The following MRRF variants were observed in gnomAD, a reference collection of about 807,000 sequenced individuals.
The protein encoded by MRRF is mitochondrial ribosome recycling factor, also known as ribosome-recycling factor, mitochondrial.
Under a neutral mutation model 25.1 loss-of-function variants are expected in MRRF, and 18 were observed. The observed-to-expected ratio is 0.72, with a 90% CI of 0.50 to 1.06. The LOEUF is 1.06. Among genes scored for constraint, MRRF ranks in the 50% least tolerant of loss-of-function variants. MRRF has a pLI of 0.00. For missense variants in MRRF, 323 were observed against 319.3 expected, an observed-to-expected ratio of 1.01 and a Z score of -0.09; for synonymous variants, 113 against 112.1, an observed-to-expected ratio of 1.01 and a Z score of -0.05.
chr9:122,284,774 T>C (rs1588028750), intron 3 of MRRF, among the ~76,000 whole-genome samples: 1 of 152,138 alleles, frequency 6.6e-6, no homozygotes, highest in East Asian at 1.9e-4. Context: ...CCCTAAATGT[T>C]TGTTGAATCT....
At chr9:122,303,281 A>G (rs972917569) in intron 5 of MRRF, among the ~76,000 whole-genome samples, 2 of 148,222 alleles carry the variant, frequency 1.3e-5, no homozygotes, top group African/African-American at 2.5e-5. Context: ...ACCTAAATAA[A>G]TATATTATAT....
intron 5 of MRRF, among the ~76,000 whole-genome samples, chr9:122,309,122 A>T (rs1477622270): frequency 6.6e-6 from 1 of 152,164 alleles, no homozygotes; most frequent in Non-Finnish European, 1.5e-5. Context: ...ACTTCATGTA[A>T]GTGGAATCAT....
At chr9:122,265,273 G>C (rs1293966501) in intron 1 of MRRF, among the ~76,000 whole-genome samples, 1 of 152,162 alleles carries the variant, frequency 6.6e-6, no homozygotes, top group Non-Finnish European at 1.5e-5. Context: ...AGCTCACATA[G>C]GTAATTTTAC....
At chr9:122,299,933 T>C (rs78631112) in intron 5 of MRRF, among the ~76,000 whole-genome samples, 5,358 of 152,212 alleles carry the variant, frequency 0.035, 155 homozygotes, top group Non-Finnish European at 0.049. Flanking sequence ...TCTGTCACTG[T>C]GGGTATGTCA....
At chr9:122,275,149 G>A (rs1832700024) in intron 2 of MRRF, among the ~76,000 whole-genome samples, 1 of 149,672 alleles carries the variant, frequency 6.7e-6, no homozygotes, top group Admixed American at 6.6e-5. Context: ...AAAATCCAGA[G>A]TATAATACAA....
rs1192075540 is a variant in MRRF at position 122,329,703 on chromosome 9, C to T, written c.*7086C>T. On this transcript the variant is annotated 3_prime_UTR_variant, in exon 7 of 7. Transcript: ENST00000344641. ...CTTTCCTTTCCTTCCTGGGCACACC[C>T]TTGAGTGGTGCTCACCAGGGAACAG... 6.6e-6 allele frequency: 1 copy of T among 152,388 alleles called. No individual in the cohort carries two copies. The highest frequency in any genetic ancestry group is 1.5e-5 in the Non-Finnish European group (1 of 68,154). 9.4% of individuals were successfully genotyped at this position (152,388 alleles called of 1,614,324 possible).
intron 3 of MRRF, among the ~76,000 whole-genome samples, chr9:122,281,549 G>A (rs1169581398): frequency 6.6e-6 from 1 of 152,196 alleles, no homozygotes; most frequent in Non-Finnish European, 1.5e-5. Flanking sequence ...TTTGGGCTGG[G>A]GCATTTCTGC....
intron 3 of MRRF, among the ~76,000 whole-genome samples, chr9:122,283,167 C>G (rs991258873): frequency 6.7e-6 from 1 of 150,282 alleles, no homozygotes; most frequent in South Asian, 2.1e-4. Context: ...GATCTCGGCT[C>G]ACTGCAACCT....
In MRRF at chr9:122,314,401, C is replaced by G. The variant is rs376271078; in HGVS notation, c.711+1015C>G. Among the ~76,000 whole-genome samples, 10 of 152,326 alleles carry G rather than the reference C, an allele frequency of 6.6e-5. 1 individual carries two copies. The highest frequency in any genetic ancestry group is 1.9e-4 in the African/African-American group (8 of 41,564). On this transcript the variant is annotated intron_variant, in intron 6 of 6. Coordinates refer to ENST00000344641, the MANE Select transcript of MRRF (RefSeq NM_138777.5). ...TCTTGTCACATTTGATTGGCCAAAG[C>G]AAGTCACATGGGCCAAGCTCAATAT... is the stretch of plus-strand genomic sequence containing the variant.
intron 5 of MRRF, among the ~76,000 whole-genome samples, chr9:122,304,577 C>G (rs370915885): frequency 1.3e-5 from 2 of 152,324 alleles, no homozygotes; most frequent in East Asian, 3.9e-4. Context: ...CTCTGCCCCT[C>G]CTCTCTTCTC....
chr9:122,282,811 A>G (rs532544084), intron 3 of MRRF, among the ~76,000 whole-genome samples: 1 of 152,342 alleles, frequency 6.6e-6, no homozygotes, highest in East Asian at 1.9e-4. Context: ...AGGAGATCAG[A>G]CAAGATTACT....
At chr9:122,300,389 AT>A (rs1834373109) in intron 5 of MRRF, among the ~76,000 whole-genome samples, 1 of 152,158 alleles carries the variant, frequency 6.6e-6, no homozygotes, top group Non-Finnish European at 1.5e-5. Flanking sequence ...AAGTTGCTTA[AT>A]TTTTTGAAGC....
intron 1 of MRRF, among the ~76,000 whole-genome samples, chr9:122,267,000 G>A (rs1481972820): frequency 2.6e-5 from 4 of 151,820 alleles, no homozygotes; most frequent in Non-Finnish European, 4.4e-5. Context: ...AACCCTGGAG[G>A]CGGAGGTTGC....
intron 3 of MRRF, among the ~76,000 whole-genome samples, chr9:122,280,829 T>A (rs1335360094): frequency 6.6e-6 from 1 of 152,174 alleles, no homozygotes; most frequent in Non-Finnish European, 1.5e-5. Context: ...TGGCGCATAG[T>A]TAACACTACA....
intron 5 of MRRF, among the ~76,000 whole-genome samples, chr9:122,293,283 CT>C (rs1410076910): frequency 6.6e-6 from 1 of 152,168 alleles, no homozygotes; most frequent in Non-Finnish European, 1.5e-5. Context: ...TCCTGTATTC[CT>C]TTACATATAT....
Position 122,322,708 on chromosome 9 carries a change from A to G in MRRF, c.*91A>G. On this transcript the variant is annotated 3_prime_UTR_variant, in exon 7 of 7. Transcript: ENST00000344641. ...GGACTTCTCTCCCTCCCCCATCTAC[A>G]CAGAAGACTGTCACCATGCTGACAG... 9.0e-7 allele frequency: 1 copy of G among 1,113,132 alleles called. No homozygotes were observed. The highest frequency in any genetic ancestry group is 2.4e-5 in the East Asian group (1 of 40,972). 69.0% of individuals were successfully genotyped at this position (1,113,132 alleles called of 1,614,324 possible).
intron 5 of MRRF, among the ~76,000 whole-genome samples, chr9:122,308,699 CAAAAAAAAAAAAA>C (rs776774424): frequency 4.7e-4 from 28 of 60,110 alleles, no homozygotes; most frequent in Non-Finnish European, 6.0e-4. Flanking sequence ...ACTCCATCTC[CAAAAAAAAAAAAA>C]AAAAAAAAAA....
At chr9:122,274,168 T>C (rs1412810333) in intron 2 of MRRF, among the ~76,000 whole-genome samples, 2 of 152,216 alleles carry the variant, frequency 1.3e-5, no homozygotes, top group East Asian at 3.8e-4. Context: ...GTCCTGACTT[T>C]ATAGGAAACA....
chr9:122,313,934 A>G (rs1835360364), intron 6 of MRRF, among the ~76,000 whole-genome samples: 1 of 152,196 alleles, frequency 6.6e-6, no homozygotes, highest in African/African-American at 2.4e-5. Flanking sequence ...ATATAAAAAC[A>G]ATATTCAGTT....
Sources: gnomAD v4.1 joint callset for allele counts (sites outside exome capture counted in the v4.1 genomes callset) on GRCh38, gnomAD v4.1.1 for gene constraint, MANE v1.5 for transcripts, NCBI Gene and HGNC (gene_info 2026-07-23, HGNC 2026-07-21) for gene names.